The following AGAP6 variants were observed in gnomAD, a reference collection of about 807,000 sequenced individuals.
AGAP6 encodes the protein ArfGAP with GTPase domain, ankyrin repeat and PH domain 6, also known as arf-GAP with GTPase, ANK repeat and PH domain-containing protein 6.
A neutral mutation model predicts 63.9 loss-of-function variants in AGAP6; 29 were observed. The observed-to-expected ratio is 0.45, with a 90% confidence interval of 0.34 to 0.62. AGAP6 has a LOEUF of 0.62. Among genes scored for constraint, AGAP6 ranks in the 20% least tolerant of loss-of-function variants. The pLI is 0.01. For missense variants in AGAP6, 493 were observed against 884.9 expected, an observed-to-expected ratio of 0.56 and a Z score of 5.62; for synonymous variants, 199 against 332.9, an observed-to-expected ratio of 0.60 and a Z score of 4.38.
rs1351389069 is a variant in AGAP6 at position 49,991,541 on chromosome 10, C to T, written c.293-135C>T. ...CATCTTGCCTGGCTCTATCTTATGT[C>T]TATACATTCATTTCAATGGATAAGA... On this transcript the variant is annotated intron_variant, in intron 2 of 7. Transcript: ENST00000412531. 2.4e-6 allele frequency: 3 copies of T among 1,239,016 alleles called. No homozygotes were observed. The African/African-American group carries it at 4.5e-5, about 19-fold the overall frequency. The allele number at this position is 1,239,016 out of a possible 1,614,324, so 76.8% of individuals were successfully genotyped here.
chr10:50,001,338 A>G (rs1280720397), intron 4 of AGAP6, among the ~76,000 whole-genome samples: 3 of 148,924 alleles, frequency 2.0e-5, no homozygotes, highest in Non-Finnish European at 4.5e-5. Flanking sequence ...TCAAAAATAA[A>G]TAAATTAATT....
At chr10:49,992,315 T>G (rs1173647983) in intron 3 of AGAP6, among the ~76,000 whole-genome samples, 1 of 152,166 alleles carries the variant, frequency 6.6e-6, no homozygotes, top group African/African-American at 2.4e-5. Flanking sequence ...GCCCTACTCC[T>G]GCTTATTTCC....
intron 6 of AGAP6, among the ~76,000 whole-genome samples, chr10:50,005,075 A>G (rs1554863626): frequency 3.3e-5 from 5 of 152,210 alleles, no homozygotes. Context: ...CAGAGAGTTT[A>G]GCGGTATTCA....
chr10:49,988,738 G>T lies in AGAP6; in HGVS notation c.23G>T (p.Arg8Leu), dbSNP rs781796496. 2 of 1,592,014 alleles carry T rather than the reference G, an allele frequency of 1.3e-6. No homozygotes were observed. The highest frequency in any genetic ancestry group is 1.7e-6 in the Non-Finnish European group (2 of 1,176,314). Residue 8 changes from arginine to leucine, a missense_variant, in exon 1 of 8, where the codon CGT becomes CTT. By Grantham distance (102) the Arg-to-Leu change is moderately radical (BLOSUM62 -2). Transcript: ENST00000412531. ...CCCATGGGGAACATACTGACCTGTC[G>T]TGTGCACCCTAGCGTCAGCCTCGAG... MGNILTCRVHPSVSLEFD... is the reference protein window; with the variant it reads MGNILTCLVHPSVSLEFD...
At chr10:49,992,909 G>A (rs1464577555) in intron 3 of AGAP6, among the ~76,000 whole-genome samples, 2 of 152,170 alleles carry the variant, frequency 1.3e-5, no homozygotes, top group Admixed American at 6.5e-5. Context: ...CTATAGGTGG[G>A]CACCATAACA....
intron 4 of AGAP6, among the ~76,000 whole-genome samples, chr10:50,001,501 G>A (rs1841703185): frequency 1.0e-5 from 1 of 99,544 alleles, no homozygotes. Context: ...CTCACTGCAA[G>A]CTCCGCCTCC....
At chr10:49,991,532 A>C (rs1716977626) in intron 2 of AGAP6, 144 bp from the exon 3 acceptor site, 1 of 1,185,502 alleles carries the variant, frequency 8.4e-7, no homozygotes, top group Non-Finnish European at 1.2e-6. Flanking sequence ...GCCTGGCTCT[A>C]TCTTATGTCT....
chr10:50,006,765 A>C (rs544583099), intron 6 of AGAP6, among the ~76,000 whole-genome samples: 13 of 129,610 alleles, frequency 1.0e-4, no homozygotes, highest in Admixed American at 9.8e-4. Context: ...CTTTAAAAAC[A>C]AAAAAAAAAG....
At chr10:50,004,785 G>A (rs1351416779) in intron 6 of AGAP6, 65 bp downstream of exon 6, 1 of 627,096 alleles carries the variant, frequency 1.6e-6, no homozygotes, top group African/African-American at 1.9e-5. Context: ...CAAGCTCAGT[G>A]TTAGGTCACA....
At chr10:49,989,400 CTATT>C (rs1841179296) in intron 2 of AGAP6, 24 bp downstream of exon 2, 1 of 1,597,304 alleles carries the variant, frequency 6.3e-7, no homozygotes, top group South Asian at 1.1e-5. Context: ...GTCTGTAGCT[CTATT>C]TATTATCCTG....
chr10:49,996,740 CTTTT>C (rs541201709), intron 4 of AGAP6, among the ~76,000 whole-genome samples: 1 of 126,990 alleles, frequency 7.9e-6, no homozygotes, highest in South Asian at 2.5e-4. Context: ...ACCTTGCTGG[CTTTT>C]TTTTTTTTTT....
At chr10:49,994,610 G>A (rs773959946) in intron 4 of AGAP6, among the ~76,000 whole-genome samples, 181 bp downstream of exon 4, 12 of 152,136 alleles carry the variant, frequency 7.9e-5, no homozygotes, top group Non-Finnish European at 1.3e-4. Context: ...TTAGTTTAGC[G>A]TGTCCACCTT....
chr10:50,006,940 C>G (rs368063011), intron 6 of AGAP6, among the ~76,000 whole-genome samples: 2 of 149,640 alleles, frequency 1.3e-5, no homozygotes, highest in African/African-American at 2.4e-5. Flanking sequence ...TAATTGGTAC[C>G]ACTGCCTTGA....
At chr10:50,003,409 C>T (rs1329052370) in intron 5 of AGAP6, among the ~76,000 whole-genome samples, 5 of 152,004 alleles carry the variant, frequency 3.3e-5, no homozygotes, top group South Asian at 2.1e-4. Flanking sequence ...AGTCTGCAAA[C>T]ACATGTATCT....
rs538822814 is a variant in AGAP6, at chr10:50,007,912, A to C, written c.534-113A>C. 2.1e-5 allele frequency: 33 copies of C among 1,591,088 alleles called. No homozygotes were observed. The East Asian group carries it at 7.2e-4, about 35-fold the overall frequency. ...CAGGATCCAATAGAAGAATTCATAA[A>C]AACTGCTTTGGTAAAGTAAACACCA... is the stretch of plus-strand genomic sequence containing the variant. On this transcript the variant is annotated intron_variant, in intron 6 of 7. Coordinates refer to ENST00000412531, the MANE Select transcript of AGAP6 (RefSeq NM_001077665.3).
chr10:49,994,990 G>T (rs1437344813), intron 4 of AGAP6, among the ~76,000 whole-genome samples: 91 of 147,348 alleles, frequency 6.2e-4, no homozygotes, highest in African/African-American at 2.2e-3. Context: ...AAAAGTGCCT[G>T]AAATATTTAA....
intron 6 of AGAP6, 146 bp from the exon 7 acceptor site, chr10:50,007,879 C>T: frequency 6.8e-7 from 1 of 1,475,172 alleles, no homozygotes; most frequent in Non-Finnish European, 9.2e-7. Context: ...AGGAAACCCT[C>T]TGCAAGTCAG....
intron 4 of AGAP6, among the ~76,000 whole-genome samples, chr10:50,001,256 G>A (rs2132143775): frequency 6.6e-6 from 1 of 150,454 alleles, no homozygotes; most frequent in Non-Finnish European, 1.5e-5. Flanking sequence ...CGTGAACCCG[G>A]GAGGCGGAGC....
At chr10:50,005,947 G>C (rs1362685640) in intron 6 of AGAP6, among the ~76,000 whole-genome samples, 2 of 148,014 alleles carry the variant, frequency 1.4e-5, no homozygotes, top group African/African-American at 2.5e-5. Context: ...GCAATAAGAT[G>C]ACCTAACCTC....
Sources: gnomAD v4.1 joint callset for allele counts (sites outside exome capture counted in the v4.1 genomes callset) on GRCh38, gnomAD v4.1.1 for gene constraint, MANE v1.5 for transcripts, NCBI Gene and HGNC (gene_info 2026-07-23, HGNC 2026-07-21) for gene names.